Variants in ATP8A2 observed in about 807,000 individuals in gnomAD.
ATP8A2 encodes the protein ATPase phospholipid transporting 8A2.
In ATP8A2, 100 loss-of-function variants were observed where a neutral mutation model predicts 165.6. The ratio of observed to expected loss-of-function variants is 0.60; its 90% CI spans 0.51 to 0.71. The LOEUF is 0.71. Ranked by LOEUF, ATP8A2 falls within the 30% of genes least tolerant of loss-of-function variation. The pLI, the probability that ATP8A2 is intolerant of heterozygous loss-of-function variation, is 0.00. For missense variants in ATP8A2, 1,227 were observed against 1,479.5 expected, an observed-to-expected ratio of 0.83 and a Z score of 2.80; for synonymous variants, 543 against 548.8, an observed-to-expected ratio of 0.99 and a Z score of 0.15.
chr13:25,776,280 C>T (rs1040042976), intron 27 of ATP8A2, among the ~76,000 whole-genome samples: 3 of 152,182 alleles, frequency 2.0e-5, no homozygotes, highest in Admixed American at 6.5e-5. Flanking sequence ...AGGAATGTTC[C>T]AAGCAATCAA....
chr13:25,666,059 C>T, intron 24 of ATP8A2, among the ~76,000 whole-genome samples: 1 of 151,460 alleles, frequency 6.6e-6, no homozygotes, highest in Non-Finnish European at 1.5e-5. Context: ...AAATGTTTAC[C>T]CAGGGCAATG....
At chr13:25,527,202 C>T (rs2037869697) in intron 2 of ATP8A2, among the ~76,000 whole-genome samples, 1 of 152,070 alleles carries the variant, frequency 6.6e-6, no homozygotes, top group Non-Finnish European at 1.5e-5. Context: ...TTGTATTACA[C>T]CTTATAGTGC....
At chr13:25,753,529 C>CA (rs1273288715) in intron 25 of ATP8A2, among the ~76,000 whole-genome samples, 8 of 152,198 alleles carry the variant, frequency 5.3e-5, no homozygotes, top group Non-Finnish European at 8.8e-5. Context: ...GTGCCAGCTC[C>CA]ATGCCAGCTA....
At position 25,774,834 on chromosome 13, in the gene ATP8A2, A is replaced by AT. The variant is rs774365433; in HGVS notation, c.2569-11dup. ...ATGATGGGCTCTTCTGAGCTTTGTA[A>AT]TTTTCCTTTTTCAGTTTTCCTACTT... On this transcript the variant is annotated splice_polypyrimidine_tract_variant and intron_variant, in intron 26 of 36. Coordinates refer to ENST00000381655, the MANE Select transcript of ATP8A2 (RefSeq NM_016529.6). 6.6e-7 allele frequency: 1 copy of AT among 1,508,932 alleles called. No homozygotes were observed. The highest frequency in any genetic ancestry group is 1.1e-5 in the South Asian group (1 of 88,448). 93.5% of individuals were successfully genotyped at this position (1,508,932 alleles called of 1,614,324 possible).
At chr13:25,705,194 C>A (rs749919440) in intron 25 of ATP8A2, 1 of 435,408 alleles carries the variant, frequency 2.3e-6, no homozygotes, top group Non-Finnish European at 4.6e-6. Context: ...GAGATAAATT[C>A]TCTAGCACAG....
intron 2 of ATP8A2, among the ~76,000 whole-genome samples, chr13:25,499,179 C>A (rs1326413463): frequency 1.3e-5 from 2 of 152,172 alleles, no homozygotes; most frequent in Non-Finnish European, 2.9e-5. Context: ...GGCCCAGACC[C>A]TAGTGTATAG....
intron 27 of ATP8A2, among the ~76,000 whole-genome samples, chr13:25,781,682 A>C (rs1311428027): frequency 6.6e-6 from 1 of 151,900 alleles, no homozygotes; most frequent in East Asian, 1.9e-4. Flanking sequence ...AGTAGAGACA[A>C]GTTTTCACCG....
chr13:25,926,127 A>G (rs879141267), intron 33 of ATP8A2, among the ~76,000 whole-genome samples: 1 of 152,308 alleles, frequency 6.6e-6, no homozygotes, highest in Non-Finnish European at 1.5e-5. Context: ...CTTCAGCTTG[A>G]CATTATGAAA....
intron 2 of ATP8A2, among the ~76,000 whole-genome samples, chr13:25,518,965 A>G (rs987221749): frequency 6.6e-6 from 1 of 152,118 alleles, no homozygotes; most frequent in African/African-American, 2.4e-5. Flanking sequence ...CCATCTCCCA[A>G]AAGGAAAAAG....
chr13:25,780,418 G>A (rs942369817), intron 27 of ATP8A2, among the ~76,000 whole-genome samples: 1 of 152,052 alleles, frequency 6.6e-6, no homozygotes, highest in Non-Finnish European at 1.5e-5. Flanking sequence ...GGGGATAAAG[G>A]CCAGGAAATG....
intron 1 of ATP8A2, among the ~76,000 whole-genome samples, chr13:25,456,869 C>G (rs1179619974): frequency 6.6e-6 from 1 of 152,142 alleles, no homozygotes; most frequent in Non-Finnish European, 1.5e-5. Context: ...ATGTTCCTAT[C>G]TTAAACAGGG....
chr13:26,010,391 C>G (rs1468830261), intron 35 of ATP8A2, among the ~76,000 whole-genome samples: 3 of 152,200 alleles, frequency 2.0e-5, no homozygotes, highest in Non-Finnish European at 4.4e-5. Flanking sequence ...AGAGCCTAGT[C>G]CTGCATGGTC....
intron 16 of ATP8A2, among the ~76,000 whole-genome samples, chr13:25,568,020 A>C (rs1022571336): frequency 1.5e-4 from 23 of 152,230 alleles, no homozygotes; most frequent in African/African-American, 5.3e-4. Flanking sequence ...TAAAATTAAA[A>C]CATTTGGTCC....
intron 27 of ATP8A2, among the ~76,000 whole-genome samples, chr13:25,826,151 C>T (rs1422455078): frequency 6.6e-6 from 1 of 152,148 alleles, no homozygotes. Flanking sequence ...GTTAGAATGA[C>T]TTAATTATTC....
intron 26 of ATP8A2, among the ~76,000 whole-genome samples, chr13:25,772,202 C>T (rs1413059983): frequency 1.3e-5 from 2 of 152,166 alleles, no homozygotes; most frequent in African/African-American, 2.4e-5. Context: ...TTCCATTCTC[C>T]TCGGGAGAAT....
Position 25,541,941 on chromosome 13 carries a change from T to G in ATP8A2, c.674T>G (p.Met225Arg), listed in dbSNP as rs1250207675. 6.2e-7 allele frequency: 1 copy of G among 1,614,102 alleles called. No individual in the cohort carries two copies. The highest frequency in any genetic ancestry group is 8.5e-7 in the Non-Finnish European group (1 of 1,179,978). The stretch of plus-strand genomic sequence containing the variant: ...TAGGGTTTGAGTCACACTGCTGACA[T>G]GCAAACACGTGAAGTTCTGATGAAG... ...IRQGLSHTAD[M>R]QTREVLMKLS... The change falls in exon 9 of 37, where the codon ATG becomes AGG. Residue 225 changes from methionine to arginine, a missense_variant. Met to Arg is a moderately conservative substitution (Grantham distance 91). Transcript: ENST00000381655.
chr13:25,552,922 C>T (rs1347292821), intron 11 of ATP8A2, among the ~76,000 whole-genome samples: 1 of 152,022 alleles, frequency 6.6e-6, no homozygotes, highest in Non-Finnish European at 1.5e-5. Flanking sequence ...CAGACTACCA[C>T]CATTTGATGT....
At chr13:25,438,487 A>G (rs1444546496) in intron 1 of ATP8A2, among the ~76,000 whole-genome samples, 1 of 152,092 alleles carries the variant, frequency 6.6e-6, no homozygotes, top group Non-Finnish European at 1.5e-5. Flanking sequence ...AAAAAAATAC[A>G]AAAATTAGCT....
rs1017470795 is a variant in ATP8A2, at chr13:25,810,526, G to GA, written c.2680-17582dup. On this transcript the variant is annotated intron_variant, in intron 27 of 36. Transcript: ENST00000381655. ...AGAACATCTGTCTTTTTTTTTTAAG[G>GA]AAAAAAAAAACAAAACACTACTCTA... Among the ~76,000 whole-genome samples, 96 of 138,498 alleles carry GA rather than the reference G, an allele frequency of 6.9e-4. 1 individual carries two copies. Among genetic ancestry groups the GA allele is most frequent in the Non-Finnish European group, 8.8e-4 (56 of 63,746 alleles). The allele number at this position is 138,498 out of a possible 152,430, so 90.9% of individuals were successfully genotyped here.
Sources: gnomAD v4.1 joint callset for allele counts (sites outside exome capture counted in the v4.1 genomes callset) on GRCh38, gnomAD v4.1.1 for gene constraint, MANE v1.5 for transcripts, NCBI Gene and HGNC (gene_info 2026-07-23, HGNC 2026-07-21) for gene names.